The following DLG2 variants were observed in gnomAD, a reference collection of about 807,000 sequenced individuals.
DLG2 encodes the protein discs large MAGUK scaffold protein 2.
In DLG2, 45 loss-of-function variants were observed where a neutral mutation model predicts 132.5. The observed-to-expected ratio is 0.34, with a 90% CI of 0.27 to 0.44. The LOEUF is 0.44. DLG2 is among the 20% of genes least tolerant of loss of function. DLG2 has a pLI of 1.00. For synonymous variants in DLG2, 424 were observed against 419.6 expected (o/e 1.01, Z -0.13); for missense variants, 1,045 against 1,196.9 (o/e 0.87, Z 1.87).
rs777002189 is a variant in DLG2, at chr11:83,471,617, G to A, written c.2446+9C>T. 2 of 1,601,266 alleles carry A rather than the reference G, an allele frequency of 1.2e-6. No homozygotes were observed. Among genetic ancestry groups the A allele is most frequent in the South Asian group, 2.2e-5 (2 of 90,616 alleles). On this transcript the variant is annotated intron_variant, in intron 24 of 27. Transcript: ENST00000376104. ...TGTTTTTCCTAGAGGAAAGAAAAATGACACTTACGAGGCACACAGGAGCCA... is the reference window on the plus strand; with the variant it reads ...TGTTTTTCCTAGAGGAAAGAAAAATAACACTTACGAGGCACACAGGAGCCA...
intron 6 of DLG2, among the ~76,000 whole-genome samples, chr11:85,035,843 T>C (rs1033158675): frequency 6.6e-6 from 1 of 152,208 alleles, no homozygotes; most frequent in African/African-American, 2.4e-5. Flanking sequence ...TATCTTGAGT[T>C]ATGATAACCC....
At chr11:84,984,574 G>GA (rs60711411) in intron 6 of DLG2, among the ~76,000 whole-genome samples, 3,640 of 123,902 alleles carry the variant, frequency 0.029, 127 homozygotes, top group African/African-American at 0.097. Flanking sequence ...AAATACAATT[G>GA]AAAAAAAAAA....
At chr11:85,416,817 G>A (rs1283340193) in intron 3 of DLG2, among the ~76,000 whole-genome samples, 1 of 152,148 alleles carries the variant, frequency 6.6e-6, no homozygotes, top group East Asian at 1.9e-4. Context: ...TGCTGAAGTT[G>A]CTTATGAGCA....
intron 14 of DLG2, among the ~76,000 whole-genome samples, chr11:83,932,773 C>G (rs369705648): frequency 1.2e-3 from 184 of 151,966 alleles, no homozygotes; most frequent in African/African-American, 4.4e-3. Flanking sequence ...TTCAAGGGAG[C>G]CATAAGCTAC....
rs12099316 is a variant in DLG2 at position 83,785,301 on chromosome 11, G to A, written c.1825+1389C>T. Among the ~76,000 whole-genome samples the A allele has an allele frequency of 9.1e-3, 1,388 of 152,152 alleles. 19 individuals are homozygous for A. The highest frequency in any genetic ancestry group is 0.031 in the African/African-American group (1,291 of 41,506). On this transcript the variant is annotated intron_variant, in intron 18 of 27. Coordinates refer to ENST00000376104, the MANE Select transcript of DLG2 (RefSeq NM_001142699.3). ...GATCTCCTGACCTCCTGATCCGCCC[G>A]TCTCAGCCTCCCAAAGTGCTGGGAT...
chr11:83,830,452 TAGAG>T (rs1322199637), intron 17 of DLG2, among the ~76,000 whole-genome samples: 1 of 152,244 alleles, frequency 6.6e-6, no homozygotes, highest in Non-Finnish European at 1.5e-5. Context: ...TAAACAGAGT[TAGAG>T]AGTCTAATGC....
rs114094199 is a variant in DLG2 at position 83,456,553 on chromosome 11, A to G, written c.*3265T>C. Reference sequence around the variant, plus strand: ...AAGAAGGGCAGAGAAACAGAGACTAAAGGAGAGGTGGACAAAAAGAGAAAG... The same window carrying G: ...AAGAAGGGCAGAGAAACAGAGACTAGAGGAGAGGTGGACAAAAAGAGAAAG... On this transcript the variant is annotated 3_prime_UTR_variant, in exon 28 of 28. Coordinates refer to ENST00000376104, the MANE Select transcript of DLG2 (RefSeq NM_001142699.3). 8.3e-3 allele frequency: 1,261 copies of G among 152,634 alleles called. 15 individuals carry two copies. Among genetic ancestry groups the G allele is most frequent in the African/African-American group, 0.025 (1,057 of 41,516 alleles). 9.5% of individuals were successfully genotyped at this position (152,634 alleles called of 1,614,324 possible). A position where few individuals can be genotyped will look rare whatever the true frequency, so the allele number is the denominator to read the frequency against.
chr11:83,881,495 C>G (rs1041252778), intron 15 of DLG2, among the ~76,000 whole-genome samples: 3 of 152,140 alleles, frequency 2.0e-5, no homozygotes, highest in African/African-American at 7.2e-5. Flanking sequence ...ACTATTTCAT[C>G]TAGCTTTATA....
chr11:84,975,324 C>A (rs1340865911), intron 6 of DLG2, among the ~76,000 whole-genome samples: 2 of 152,156 alleles, frequency 1.3e-5, no homozygotes, highest in Non-Finnish European at 2.9e-5. Context: ...GCTATAAGTT[C>A]TAAGCAGTGA....
chr11:84,865,913 G>C (rs1043958070), intron 6 of DLG2, among the ~76,000 whole-genome samples: 1 of 152,168 alleles, frequency 6.6e-6, no homozygotes, highest in East Asian at 1.9e-4. Context: ...AGCCTCACAA[G>C]GTATCCTTTG....
At chr11:83,876,575 G>A (rs775113264) in intron 15 of DLG2, among the ~76,000 whole-genome samples, 11 of 151,870 alleles carry the variant, frequency 7.2e-5, no homozygotes, top group South Asian at 4.2e-4. Flanking sequence ...ACATTTTACC[G>A]AGTTATCTAA....
At chr11:84,267,627 G>A (rs992840626) in intron 7 of DLG2, among the ~76,000 whole-genome samples, 1 of 152,190 alleles carries the variant, frequency 6.6e-6, no homozygotes, top group African/African-American at 2.4e-5. Flanking sequence ...CTGATAAACT[G>A]GAACTAAGAA....
intron 7 of DLG2, among the ~76,000 whole-genome samples, chr11:84,512,088 C>T (rs769165545): frequency 2.6e-4 from 39 of 152,062 alleles, no homozygotes; most frequent in Non-Finnish European, 4.3e-4. Context: ...TCAGCCAAGG[C>T]GAGCAAAGTT....
At chr11:84,273,344 T>C in intron 7 of DLG2, 1 of 1,324,504 alleles carries the variant, frequency 7.5e-7, no homozygotes, top group South Asian at 2.2e-5. Context: ...GCAGATCTGT[T>C]ACATAAACTT....
chr11:84,207,738 T>C (rs2096691767), intron 8 of DLG2, among the ~76,000 whole-genome samples: 1 of 152,146 alleles, frequency 6.6e-6, no homozygotes, highest in South Asian at 2.1e-4. Flanking sequence ...TGCAAAGGTA[T>C]TTTAGAATCC....
At chr11:84,683,354 C>T (rs2153710853) in intron 6 of DLG2, among the ~76,000 whole-genome samples, 1 of 152,210 alleles carries the variant, frequency 6.6e-6, no homozygotes, top group South Asian at 2.1e-4. Context: ...ACAGAGATTC[C>T]CTGCCAGGTA....
chr11:84,137,287 T>G (rs2094637450), intron 9 of DLG2, among the ~76,000 whole-genome samples: 1 of 152,148 alleles, frequency 6.6e-6, no homozygotes, highest in Admixed American at 6.6e-5. Flanking sequence ...TTATTTAATC[T>G]CCTTTTCTGG....
chr11:84,425,859 GA>G (rs2098964706), intron 7 of DLG2, among the ~76,000 whole-genome samples: 1 of 152,114 alleles, frequency 6.6e-6, no homozygotes, highest in Non-Finnish European at 1.5e-5. Context: ...GATCCAAAGT[GA>G]CTCCATTCAA....
chr11:84,618,161 C>G (rs2099607748), intron 6 of DLG2, among the ~76,000 whole-genome samples: 1 of 151,862 alleles, frequency 6.6e-6, no homozygotes, highest in African/African-American at 2.4e-5. Context: ...TGGGGAGGAG[C>G]ATATAGGTTC....
Sources: gnomAD v4.1 joint callset for allele counts (sites outside exome capture counted in the v4.1 genomes callset) on GRCh38, gnomAD v4.1.1 for gene constraint, MANE v1.5 for transcripts, NCBI Gene and HGNC (gene_info 2026-07-23, HGNC 2026-07-21) for gene names.